The following ADSS2 variants were observed in gnomAD, a reference collection of about 807,000 sequenced individuals.
ADSS2 encodes adenylosuccinate synthase 2, also known as adenylosuccinate synthetase isozyme 2.
ADSS2 carries 30 observed loss-of-function variants against 60.0 expected under a neutral mutation model. The ratio of observed to expected loss-of-function variants is 0.50; its 90% confidence interval spans 0.37 to 0.68. The LOEUF (loss-of-function observed/expected upper bound fraction) is 0.68. Among genes scored for constraint, ADSS2 ranks in the 30% least tolerant of loss-of-function variants. ADSS2 has a pLI of 0.00. For synonymous variants in ADSS2, 187 were observed against 193.1 expected (o/e 0.97, Z 0.26); for missense variants, 373 against 554.8 (o/e 0.67, Z 3.29).
Position 244,424,392 on chromosome 1 carries a change from G to C in ADSS2, c.407-5C>G, listed in dbSNP as rs772682043. The stretch of plus-strand genomic sequence containing the variant: ...CTGCTTGATGAAAATCAAATACTGA[G>C]GGGAAATAAAACCACAGTTGTTGAA... On this transcript the variant is annotated splice_region_variant and splice_polypyrimidine_tract_variant and intron_variant, in intron 4 of 12. Transcript: ENST00000366535. The C allele has an allele frequency of 5.0e-6, 8 of 1,611,966 alleles. No individual in the cohort carries two copies. In the East Asian group the frequency reaches 1.3e-4, roughly 27 times the overall value.
At chr1:244,424,124 C>T in intron 5 of ADSS2, 64 bp from the exon 6 acceptor site, 3 of 1,379,002 alleles carry the variant, frequency 2.2e-6, no homozygotes, top group Non-Finnish European at 3.0e-6. Context: ...CTGGTCAGAT[C>T]ATTGCAGTGA....
chr1:244,444,432 G>A (rs1258756974), intron 1 of ADSS2, among the ~76,000 whole-genome samples: 4 of 143,200 alleles, frequency 2.8e-5, no homozygotes, highest in Admixed American at 7.1e-5. Context: ...GGAGAATGGC[G>A]TGAACCCGGG....
rs1259366753 is a variant in ADSS2 at position 244,436,883 on chromosome 1, C to T, written c.297G>A (p.Val99=). ...PNVTAFIGNG[V]VIHLPGLFEE... Reference sequence around the variant, plus strand: ...CAAACAATCCAGGTAGATGAATTACCACACCATTTCCTAAAGGAAAACCAA... The same window carrying T: ...CAAACAATCCAGGTAGATGAATTACTACACCATTTCCTAAAGGAAAACCAA... The change falls in exon 3 of 13, where the codon GTG becomes GTA. Residue 99 remains valine (V), a synonymous_variant. Coordinates refer to ENST00000366535, the MANE Select transcript of ADSS2 (RefSeq NM_001126.5). The T allele has an allele frequency of 5.6e-6, 9 of 1,610,900 alleles. No homozygotes were observed. The highest frequency in any genetic ancestry group is 1.7e-4 in the Middle Eastern group (1 of 6,058).
At chr1:244,447,092 T>C (rs1665410216) in intron 1 of ADSS2, among the ~76,000 whole-genome samples, 2 of 152,192 alleles carry the variant, frequency 1.3e-5, no homozygotes, top group Admixed American at 1.3e-4. Flanking sequence ...TTTATTGTTC[T>C]TTTCATTGCT....
chr1:244,417,523 A>C, intron 10 of ADSS2, 105 bp downstream of exon 10: 1 of 1,354,006 alleles, frequency 7.4e-7, no homozygotes, highest in African/African-American at 1.5e-5. Context: ...TTCAATATGG[A>C]GTCTAAAGAG....
chr1:244,419,541 ACTTT>A lies in ADSS2; in HGVS notation c.790+625_790+628del, dbSNP rs1664630165. Among the ~76,000 whole-genome samples the A allele has an allele frequency of 4.6e-5, 7 of 152,354 alleles. No homozygotes were observed. The South Asian group carries it at 1.5e-3, about 32-fold the overall frequency. ...ATACATATCTACCATACAGAAATAC[ACTTT>A]CTTTAATAGTTTACTTGGAGTCAAA... On this transcript the variant is annotated intron_variant, in intron 8 of 12. Transcript: ENST00000366535.
intron 3 of ADSS2, among the ~76,000 whole-genome samples, chr1:244,434,643 A>C (rs1295455122): frequency 6.6e-6 from 1 of 152,192 alleles, no homozygotes; most frequent in African/African-American, 2.4e-5. Flanking sequence ...GAGATATAAT[A>C]AAGAAAATAG....
At chr1:244,414,200 A>G (rs965353871) in intron 11 of ADSS2, among the ~76,000 whole-genome samples, 7 of 152,032 alleles carry the variant, frequency 4.6e-5, no homozygotes, top group African/African-American at 7.2e-5. Context: ...ACCAATGACT[A>G]TCAATCAATA....
chr1:244,442,912 C>T (rs140623034), intron 1 of ADSS2, among the ~76,000 whole-genome samples: 52 of 152,234 alleles, frequency 3.4e-4, no homozygotes, highest in African/African-American at 1.2e-3. Context: ...TATTAGCAGA[C>T]AGTAAAACAA....
At chr1:244,419,325 A>G (rs1664623243) in intron 8 of ADSS2, 1 of 153,626 alleles carries the variant, frequency 6.5e-6, no homozygotes, top group African/African-American at 2.4e-5. Flanking sequence ...GCAACACAAG[A>G]ATTTTGTAGG....
intron 4 of ADSS2, among the ~76,000 whole-genome samples, chr1:244,425,295 G>C (rs1056988440): frequency 1.3e-5 from 2 of 151,988 alleles, no homozygotes; most frequent in African/African-American, 4.8e-5. Context: ...CAGCTTTATG[G>C]GAATATAATT....
chr1:244,436,902 A>T lies in ADSS2; in HGVS notation c.287-9T>A. ...AATTACCACACCATTTCCTAAAGGA[A>T]AACCAACAAATCCCAACGGTAAACA... On this transcript the variant is annotated splice_polypyrimidine_tract_variant and intron_variant, in intron 2 of 12. Coordinates refer to ENST00000366535, the MANE Select transcript of ADSS2 (RefSeq NM_001126.5). The T allele has an allele frequency of 6.2e-7, 1 of 1,609,660 alleles. No homozygotes were observed. Among genetic ancestry groups the T allele is most frequent in the South Asian group, 1.1e-5 (1 of 90,346 alleles).
chr1:244,424,138 A>C, intron 5 of ADSS2, 78 bp from the exon 6 acceptor site: 4 of 1,275,018 alleles, frequency 3.1e-6, no homozygotes, highest in South Asian at 1.4e-5. Context: ...GCAGTGAATA[A>C]AGTTACATAT....
At chr1:244,426,329 G>T (rs992873551) in intron 4 of ADSS2, among the ~76,000 whole-genome samples, 1 of 152,118 alleles carries the variant, frequency 6.6e-6, no homozygotes, top group African/African-American at 2.4e-5. Flanking sequence ...GAAAGCAGGT[G>T]AACCATATTT....
At chr1:244,417,996 T>TA (rs1184519840) in intron 9 of ADSS2, among the ~76,000 whole-genome samples, 9 of 152,198 alleles carry the variant, frequency 5.9e-5, no homozygotes, top group African/African-American at 2.2e-4. Context: ...GATAACTTCC[T>TA]AAAATTTAGA....
intron 10 of ADSS2, among the ~76,000 whole-genome samples, chr1:244,417,300 T>C (rs1244038024): frequency 6.6e-6 from 1 of 152,184 alleles, no homozygotes; most frequent in African/African-American, 2.4e-5. Context: ...ACTAGGTACA[T>C]CGCCTCCCGG....
At chr1:244,425,640 A>G (rs1229443351) in intron 4 of ADSS2, among the ~76,000 whole-genome samples, 1 of 152,078 alleles carries the variant, frequency 6.6e-6, no homozygotes, top group Non-Finnish European at 1.5e-5. Context: ...CACTACTAAA[A>G]CTATCAAGGC....
At chr1:244,435,658 ATCCTCCTCTTCC>A (rs1665081421) in intron 3 of ADSS2, among the ~76,000 whole-genome samples, 1 of 145,632 alleles carries the variant, frequency 6.9e-6, no homozygotes, top group South Asian at 2.1e-4. Context: ...TTCCTCCTCC[ATCCTCCTCTTCC>A]TCCTCCATCT....
rs144572803 is a variant in ADSS2 at position 244,421,646 on chromosome 1, T to G, written c.663+1189A>C. On this transcript the variant is annotated intron_variant, in intron 7 of 12. Transcript: ENST00000366535. Reference sequence around the variant, plus strand: ...AAAGCCATACTCATAGTTTGGCAAGTAAATACTTCCAAGTTGCTAGTCAAA... The same window carrying G: ...AAAGCCATACTCATAGTTTGGCAAGGAAATACTTCCAAGTTGCTAGTCAAA... Among the ~76,000 whole-genome samples, 37 of 152,348 alleles carry G rather than the reference T, an allele frequency of 2.4e-4. No individual in the cohort carries two copies. In the East Asian group the frequency reaches 7.1e-3, roughly 29 times the overall value.
Sources: allele counts gnomAD v4.1 joint callset (sites outside exome capture counted in the v4.1 genomes callset), GRCh38; gene constraint gnomAD v4.1.1; transcripts MANE v1.5; gene names NCBI Gene and HGNC (gene_info 2026-07-23, HGNC 2026-07-21).